RABGAP1L: variants seen among roughly 807,000 people sequenced by gnomAD.
RABGAP1L encodes RAB GTPase activating protein 1 like.
In RABGAP1L, 63 loss-of-function variants were observed where a neutral mutation model predicts 137.7. The observed-to-expected ratio is 0.46, with a 90% confidence interval of 0.37 to 0.56. RABGAP1L has a LOEUF of 0.56. Among genes scored for constraint, RABGAP1L ranks in the 20% least tolerant of loss-of-function variants. The pLI is 0.00. For synonymous variants in RABGAP1L, 431 were observed against 433.7 expected, an observed-to-expected ratio of 0.99 and a Z score of 0.08; for missense variants, 1,095 against 1,244.0, an observed-to-expected ratio of 0.88 and a Z score of 1.80.
At chr1:174,934,079 G>GT (rs1226325296) in intron 19 of RABGAP1L, among the ~76,000 whole-genome samples, 2 of 152,026 alleles carry the variant, frequency 1.3e-5, no homozygotes, top group East Asian at 3.9e-4. Flanking sequence ...TTTCATTTTT[G>GT]TTTTTTTGTT....
chr1:174,686,898 A>G (rs1678514830), intron 15 of RABGAP1L, among the ~76,000 whole-genome samples: 2 of 151,328 alleles, frequency 1.3e-5, no homozygotes, highest in Non-Finnish European at 2.9e-5. Flanking sequence ...TGACCTGGTG[A>G]TCCTCCCACC....
intron 11 of RABGAP1L, among the ~76,000 whole-genome samples, chr1:174,344,854 A>G (rs1226360813): frequency 6.6e-6 from 1 of 152,106 alleles, no homozygotes; most frequent in African/African-American, 2.4e-5. Flanking sequence ...TTACTCAATA[A>G]ATTGTTGCCC....
intron 17 of RABGAP1L, among the ~76,000 whole-genome samples, chr1:174,747,231 C>T (rs1426486059): frequency 6.6e-6 from 1 of 151,858 alleles, no homozygotes; most frequent in Non-Finnish European, 1.5e-5. Flanking sequence ...AGGGATACCT[C>T]ATCTCTACGA....
chr1:174,860,286 G>A (rs998205045), intron 19 of RABGAP1L, among the ~76,000 whole-genome samples: 3 of 151,934 alleles, frequency 2.0e-5, no homozygotes, highest in East Asian at 1.9e-4. Context: ...CTAGGGAGAC[G>A]GAGGTGGAAG....
chr1:174,849,674 T>G (rs1647905374), intron 19 of RABGAP1L: 1 of 413,872 alleles, frequency 2.4e-6, no homozygotes, highest in Non-Finnish European at 4.7e-6. Context: ...TTTTCTTCAT[T>G]TTGATTGTAT....
chr1:174,878,721 TA>T (rs1006142168), intron 19 of RABGAP1L, among the ~76,000 whole-genome samples: 1 of 151,674 alleles, frequency 6.6e-6, no homozygotes, highest in African/African-American at 2.4e-5. Context: ...AAAATAAAAA[TA>T]AAAAAATAAA....
intron 17 of RABGAP1L, among the ~76,000 whole-genome samples, chr1:174,746,882 A>G (rs146119656): frequency 6.6e-6 from 1 of 152,326 alleles, no homozygotes; most frequent in Non-Finnish European, 1.5e-5. Flanking sequence ...CACATACAAA[A>G]TACTCAGTAG....
At chr1:174,663,023 A>T (rs1454985355) in intron 14 of RABGAP1L, among the ~76,000 whole-genome samples, 1 of 152,272 alleles carries the variant, frequency 6.6e-6, no homozygotes, top group African/African-American at 2.4e-5. Flanking sequence ...AATTAAAAAT[A>T]AAGTTACAGT....
chr1:174,856,137 C>T (rs1649239027), intron 19 of RABGAP1L, among the ~76,000 whole-genome samples: 1 of 152,214 alleles, frequency 6.6e-6, no homozygotes, highest in South Asian at 2.1e-4. Flanking sequence ...TGGCTCACGC[C>T]TGTAATCCCA....
At chr1:174,776,611 A>G (rs1235876807) in intron 18 of RABGAP1L, among the ~76,000 whole-genome samples, 1 of 152,160 alleles carries the variant, frequency 6.6e-6, no homozygotes, top group Admixed American at 6.5e-5. Flanking sequence ...TTCTGAGTAA[A>G]CAGGTCTAAA....
At position 174,219,312 on chromosome 1, in the gene RABGAP1L, T is replaced by C; in HGVS notation, c.138+17T>C. ...CAACTGAAGGTATTTTTTTCTTTTCTACATATGGTATAATTTTTAATTAAA... is the reference window on the plus strand; with the variant it reads ...CAACTGAAGGTATTTTTTTCTTTTCCACATATGGTATAATTTTTAATTAAA... On this transcript the variant is annotated intron_variant, in intron 2 of 25. Transcript: ENST00000681986. 1 of 1,479,818 alleles carries C rather than the reference T, an allele frequency of 6.8e-7. No individual in the cohort carries two copies. Among genetic ancestry groups the C allele is most frequent in the Non-Finnish European group, 9.1e-7 (1 of 1,095,862 alleles). 91.7% of individuals were successfully genotyped at this position (1,479,818 alleles called of 1,614,324 possible). A position where few individuals can be genotyped will look rare whatever the true frequency, so the allele number is the denominator to read the frequency against.
In RABGAP1L at chr1:174,448,893, G is replaced by A. The variant is rs144653948; in HGVS notation, c.1710+54748G>A. 517 of 1,612,958 alleles carry A rather than the reference G, an allele frequency of 3.2e-4. No homozygotes were observed. Among genetic ancestry groups the A allele is most frequent in the Non-Finnish European group, 4.0e-4 (469 of 1,178,996 alleles). On this transcript the variant is annotated intron_variant, in intron 13 of 25. Transcript: ENST00000681986. The surrounding 1 kb of genome is among the most constrained non-coding windows in gnomAD (Gnocchi z 4.2). ...AGAGAGACTGGACACAGCCCTGACCGTCGCTACGCCATGGTTTTGTTTAGG... is the reference window on the plus strand; with the variant it reads ...AGAGAGACTGGACACAGCCCTGACCATCGCTACGCCATGGTTTTGTTTAGG...
chr1:174,521,656 T>C (rs1182794780), intron 13 of RABGAP1L, among the ~76,000 whole-genome samples: 1 of 152,026 alleles, frequency 6.6e-6, no homozygotes, highest in African/African-American at 2.4e-5. Context: ...GGTGGATGAG[T>C]GCTAACTAAT....
chr1:174,655,222 A>C (rs1424913173), intron 14 of RABGAP1L, among the ~76,000 whole-genome samples: 1 of 152,302 alleles, frequency 6.6e-6, no homozygotes, highest in East Asian at 1.9e-4. Flanking sequence ...TTCAGTTTTT[A>C]CTAATCATCC....
At chr1:174,383,532 G>A (rs182289782) in intron 12 of RABGAP1L, among the ~76,000 whole-genome samples, 34 of 152,166 alleles carry the variant, frequency 2.2e-4, no homozygotes, top group African/African-American at 6.8e-4. Flanking sequence ...GGCAATATTC[G>A]GGTGGGAGTG....
At chr1:174,981,085 G>T (rs2149385708) in intron 23 of RABGAP1L, among the ~76,000 whole-genome samples, 1 of 152,150 alleles carries the variant, frequency 6.6e-6, no homozygotes. Flanking sequence ...TGCCATGGGT[G>T]GCCACCAAAT....
intron 7 of RABGAP1L, among the ~76,000 whole-genome samples, chr1:174,268,366 AT>A (rs910352383): frequency 6.6e-6 from 1 of 151,204 alleles, no homozygotes; most frequent in Non-Finnish European, 1.5e-5. Flanking sequence ...CGCCCGGCTA[AT>A]TTTTTTTGTA....
At chr1:174,460,713 A>G (rs981181519) in intron 13 of RABGAP1L, among the ~76,000 whole-genome samples, 3 of 152,178 alleles carry the variant, frequency 2.0e-5, no homozygotes, top group Non-Finnish European at 2.9e-5. Flanking sequence ...ACTTGCTAGC[A>G]TCAATTCTAC....
At chr1:174,455,133 T>C (rs1655902049) in intron 13 of RABGAP1L, among the ~76,000 whole-genome samples, 1 of 152,172 alleles carries the variant, frequency 6.6e-6, no homozygotes, top group Non-Finnish European at 1.5e-5. Context: ...AAGGCACATA[T>C]CACCACCTTC....
Sources: allele counts gnomAD v4.1 joint callset (sites outside exome capture counted in the v4.1 genomes callset), GRCh38; gene constraint gnomAD v4.1.1; non-coding constraint Gnocchi (gnomAD v3.1); transcripts MANE v1.5; gene names NCBI Gene and HGNC (gene_info 2026-07-23, HGNC 2026-07-21).